The following RNASET2 variants were observed in gnomAD, a reference collection of about 807,000 sequenced individuals.
RNASET2 encodes the protein ribonuclease T2.
A neutral mutation model predicts 33.9 loss-of-function variants in RNASET2; 28 were observed. The ratio of observed to expected loss-of-function variants is 0.83; its 90% CI spans 0.61 to 1.13. The LOEUF is 1.13. Ranked by LOEUF, RNASET2 falls within the 50% of genes most tolerant of loss-of-function variation. The probability of loss-of-function intolerance (pLI) is 0.00; values close to 1 mark genes in which losing one functional copy is unlikely to be tolerated. For synonymous variants in RNASET2, 123 were observed against 121.0 expected, an observed-to-expected ratio of 1.02 and a Z score of -0.11; for missense variants, 330 against 319.9, an observed-to-expected ratio of 1.03 and a Z score of -0.24.
intron 8 of RNASET2, 144 bp from the exon 9 acceptor site, chr6:166,929,935 C>A: frequency 1.3e-6 from 1 of 783,802 alleles, no homozygotes. Context: ...GAACGGACCC[C>A]TTCATTGAGC....
Position 166,929,743 on chromosome 6 carries a change from G to T in RNASET2, c.616C>A (p.Gln206Lys). The T allele has an allele frequency of 6.2e-7, 1 of 1,614,090 alleles. No individual in the cohort carries two copies. ...GTGCAGTTTTGCAGCTGCTGGTCTT[G>T]CTTAGTGAGGCACAGTTCTATCTGA... ...IGQIELCLTK[Q>K]DQQLQNCTEP... Residue 206 changes from glutamine (Q) to lysine (K), a missense_variant, in exon 9 of 9, where the codon CAA becomes AAA. Transcript: ENST00000508775.
At chr6:166,955,175 CCACACACA>C (rs144459587) in intron 1 of RNASET2, among the ~76,000 whole-genome samples, 7 of 131,020 alleles carry the variant, frequency 5.3e-5, no homozygotes, top group Non-Finnish European at 7.8e-5. Flanking sequence ...TGGGCGGCTG[CCACACACA>C]CACACGCACA....
intron 2 of RNASET2, among the ~76,000 whole-genome samples, chr6:166,949,500 CAAAAAA>C (rs61621125): frequency 4.5e-5 from 2 of 44,398 alleles, no homozygotes; most frequent in African/African-American, 1.5e-4. Context: ...GACTCCATCT[CAAAAAA>C]AAAAAAAAAA....
intron 1 of RNASET2, among the ~76,000 whole-genome samples, chr6:166,955,265 AC>A (rs1779102062): frequency 1.1e-5 from 1 of 94,494 alleles, no homozygotes; most frequent in African/African-American, 5.3e-5. Context: ...ACGCACACAC[AC>A]ACACGCGCAC....
rs771648564 is a variant in RNASET2 at position 166,955,239 on chromosome 6, GCACA to G, written c.86+854_86+857del. On this transcript the variant is annotated intron_variant, in intron 1 of 8. Coordinates refer to ENST00000508775, the MANE Select transcript of RNASET2 (RefSeq NM_003730.6). The stretch of plus-strand genomic sequence containing the variant: ...CACACACGCGCACACACGCACGCAC[GCACA>G]CACACGCACACACGCACACACACAC... Among the ~76,000 whole-genome samples the G allele has an allele frequency of 2.7e-3, 179 of 66,314 alleles. 3 individuals carry two copies. Among genetic ancestry groups the G allele is most frequent in the African/African-American group, 0.011 (166 of 15,192 alleles). The allele number at this position is 66,314 out of a possible 152,430, so 43.5% of individuals were successfully genotyped here.
chr6:166,941,023 G>A (rs2128645472), intron 5 of RNASET2, among the ~76,000 whole-genome samples: 1 of 152,362 alleles, frequency 6.6e-6, no homozygotes, highest in African/African-American at 2.4e-5. Flanking sequence ...CCCCCATGGA[G>A]TTAGTCAGGT....
Position 166,933,303 on chromosome 6 carries a change from C to G in RNASET2, c.492+788G>C, listed in dbSNP as rs1375997623. ...TGGGAGCACAAGCATCCCCAGGTAA[C>G]AAAGGAGTACAATTTTGTTTACAAA... On this transcript the variant is annotated intron_variant, in intron 7 of 8. Transcript: ENST00000508775. The surrounding 1 kb of genome is among the most constrained non-coding windows in gnomAD (Gnocchi z 4.1). 1 of 152,256 alleles carries G rather than the reference C, an allele frequency of 6.6e-6. No individual in the cohort carries two copies. Among genetic ancestry groups the G allele is most frequent in the East Asian group, 1.9e-4 (1 of 5,180 alleles). The allele number at this position is 152,256 out of a possible 1,614,324, so 9.4% of individuals were successfully genotyped here.
At chr6:166,952,093 G>A (rs2128647454) in intron 2 of RNASET2, among the ~76,000 whole-genome samples, 1 of 152,348 alleles carries the variant, frequency 6.6e-6, no homozygotes, top group Middle Eastern at 3.4e-3. Context: ...CCGTGAAGGA[G>A]AAGGCAGAGA....
chr6:166,956,392 G>A lies in RNASET2; in HGVS notation c.-210C>T. The A allele has an allele frequency of 1.7e-6, 1 of 593,594 alleles. No homozygotes were observed. The highest frequency in any genetic ancestry group is 2.9e-5 in the Admixed American group (1 of 34,838). The allele number at this position is 593,594 out of a possible 1,614,324, so 36.8% of individuals were successfully genotyped here. On this transcript the variant is annotated 5_prime_UTR_variant, in exon 1 of 9. Transcript: ENST00000508775. ...GGGCCCCGCGCCGGGCTCCGGGAAT[G>A]GCCGCAGCAGCCCTGGCGACCCGGG... is the stretch of plus-strand genomic sequence containing the variant.
chr6:166,931,295 G>A, intron 7 of RNASET2, 177 bp from the exon 8 acceptor site: 1 of 634,810 alleles, frequency 1.6e-6, no homozygotes, highest in Admixed American at 2.5e-5. Context: ...AGAGGATGCT[G>A]TCAACCTGGG....
In RNASET2 at chr6:166,924,389, A is replaced by G. The variant is rs9295381; in HGVS notation, c.*5199T>C. Among the ~76,000 whole-genome samples, 40,820 of 152,052 alleles carry G rather than the reference A, an allele frequency of 0.27. 8,082 individuals are homozygous for G. The highest frequency in any genetic ancestry group is 0.57 in the African/African-American group (23,420 of 41,422). On this transcript the variant is annotated 3_prime_UTR_variant, in exon 9 of 9. Transcript: ENST00000508775. ...GCTGGTATTACAGGCATGAGCCACC[A>G]CGCCCGGCCTCTCTTTTCTATTTTA...
chr6:166,939,446 A>C (rs1381944984), intron 5 of RNASET2, among the ~76,000 whole-genome samples: 1 of 152,210 alleles, frequency 6.6e-6, no homozygotes, highest in East Asian at 1.9e-4. Flanking sequence ...GGAAGGATAA[A>C]ATTCCTTATT....
At chr6:166,946,818 CT>C in intron 3 of RNASET2, 79 bp from the exon 4 acceptor site, 3 of 804,306 alleles carry the variant, frequency 3.7e-6, no homozygotes, top group Non-Finnish European at 6.5e-6. Context: ...TTAGAAAACA[CT>C]TTCATTGAAG....
At chr6:166,956,074 C>A in intron 1 of RNASET2, 23 bp downstream of exon 1, 1 of 1,549,980 alleles carries the variant, frequency 6.5e-7, no homozygotes, top group Non-Finnish European at 8.7e-7. Context: ...ACGCTCCCCA[C>A]TTTACCTCGC....
At position 166,929,354 on chromosome 6, in the gene RNASET2, AAAC is replaced by A; in HGVS notation, c.*231_*233del. The A allele has an allele frequency of 1.7e-6, 1 of 585,540 alleles. No homozygotes were observed. The highest frequency in any genetic ancestry group is 3.0e-6 in the Non-Finnish European group (1 of 329,642). The allele number at this position is 585,540 out of a possible 1,614,324, so 36.3% of individuals were successfully genotyped here. A position where few individuals can be genotyped will look rare whatever the true frequency, so the allele number is the denominator to read the frequency against. Reference sequence around the variant, plus strand: ...TGAAGAGTTTAATAGAGAAAAAAAAAAACAATCTGTGAGCTTTATCCCAAGCAC... The same window carrying A: ...TGAAGAGTTTAATAGAGAAAAAAAAAAATCTGTGAGCTTTATCCCAAGCAC... On this transcript the variant is annotated 3_prime_UTR_variant, in exon 9 of 9. Coordinates refer to ENST00000508775, the MANE Select transcript of RNASET2 (RefSeq NM_003730.6).
intron 6 of RNASET2, chr6:166,938,596 G>T: frequency 1.5e-6 from 1 of 652,546 alleles, no homozygotes. Context: ...GGCTGAGAAC[G>T]GCACATGCTG....
intron 4 of RNASET2, chr6:166,943,848 A>G (rs896162181): frequency 1.9e-4 from 85 of 438,460 alleles, no homozygotes; most frequent in African/African-American, 1.5e-3. Context: ...TTGGCCGGGC[A>G]CGGTGGCTCA....
chr6:166,955,210 C>T (rs1779085815), intron 1 of RNASET2, among the ~76,000 whole-genome samples: 2 of 77,626 alleles, frequency 2.6e-5, no homozygotes, highest in South Asian at 5.4e-4. Context: ...CGCACACACG[C>T]ACGCACACAC....
intron 3 of RNASET2, 31 bp from the exon 4 acceptor site, chr6:166,946,770 G>C (rs980764475): frequency 5.1e-6 from 7 of 1,383,726 alleles, no homozygotes; most frequent in Non-Finnish European, 7.1e-6. Context: ...GAGAAAATAA[G>C]AAATATTAGG....
Sources: allele counts gnomAD v4.1 joint callset (sites outside exome capture counted in the v4.1 genomes callset), GRCh38; gene constraint gnomAD v4.1.1; non-coding constraint Gnocchi (gnomAD v3.1); transcripts MANE v1.5; gene names NCBI Gene and HGNC (gene_info 2026-07-23, HGNC 2026-07-21).